Variants in MAPRE2 observed in about 807,000 individuals in gnomAD.
The protein encoded by MAPRE2 is microtubule-associated protein RP/EB family member 2.
Under a neutral mutation model 43.2 loss-of-function variants are expected in MAPRE2, and 13 were observed. The observed-to-expected ratio is 0.30, with a 90% CI of 0.20 to 0.48. The LOEUF (loss-of-function observed/expected upper bound fraction) is 0.48, where lower values mean the gene tolerates loss of function less well. Among genes scored for constraint, MAPRE2 ranks in the 20% least tolerant of loss-of-function variants. The pLI is 0.99. For missense variants in MAPRE2, 161 were observed against 400.2 expected, an observed-to-expected ratio of 0.40 and a Z score of 5.10; for synonymous variants, 135 against 148.8, an observed-to-expected ratio of 0.91 and a Z score of 0.68.
chr18:34,992,472 A>T (rs1225631656), intron 1 of MAPRE2, among the ~76,000 whole-genome samples: 1 of 152,206 alleles, frequency 6.6e-6, no homozygotes. Flanking sequence ...ATCTAAGCCA[A>T]CTCAATTCAC....
intron 1 of MAPRE2, among the ~76,000 whole-genome samples, chr18:34,984,131 A>G (rs1448537948): frequency 5.3e-5 from 8 of 152,218 alleles, no homozygotes; most frequent in Non-Finnish European, 1.0e-4. Flanking sequence ...AATTCATCTT[A>G]AATTATTTCC....
intron 1 of MAPRE2, among the ~76,000 whole-genome samples, chr18:35,045,301 G>A (rs904347989): frequency 1.3e-5 from 2 of 152,236 alleles, no homozygotes; most frequent in Non-Finnish European, 2.9e-5. Context: ...AGTTGGAAAT[G>A]AGATTTATTA....
In MAPRE2 at chr18:34,980,955, T is replaced by C. The variant is rs79899888; in HGVS notation, c.-70+3876T>C. 8.0e-3 allele frequency among the ~76,000 whole-genome samples: 1,225 copies of C among 152,242 alleles called. 17 individuals are homozygous for C. The highest frequency in any genetic ancestry group is 0.028 in the African/African-American group (1,149 of 41,536). Reference sequence around the variant, plus strand: ...GTAAGAAGTTGGATGTATTTTGTGATAAGTACAACCAAAACTAAATGTTAA... The same window carrying C: ...GTAAGAAGTTGGATGTATTTTGTGACAAGTACAACCAAAACTAAATGTTAA... On this transcript the variant is annotated intron_variant, in intron 1 of 7. Transcript: ENST00000413393.
intron 6 of MAPRE2, among the ~76,000 whole-genome samples, chr18:35,134,724 C>A (rs947594443): frequency 4.6e-5 from 7 of 152,200 alleles, no homozygotes; most frequent in Non-Finnish European, 1.0e-4. Flanking sequence ...CTAAATAACT[C>A]CCCTTACCTC....
intron 2 of MAPRE2, among the ~76,000 whole-genome samples, chr18:35,011,912 C>T (rs544160624): frequency 4.0e-5 from 6 of 151,638 alleles, no homozygotes; most frequent in South Asian, 2.1e-4. Context: ...GGAATACAGC[C>T]GGAGGAGGTG....
chr18:35,126,559 T>C (rs1256981282), intron 4 of MAPRE2, among the ~76,000 whole-genome samples: 1 of 152,232 alleles, frequency 6.6e-6, no homozygotes, highest in Non-Finnish European at 1.5e-5. Flanking sequence ...TATTAATTGG[T>C]TATAAGATCT....
upstream of MAPRE2, among the ~76,000 whole-genome samples, chr18:35,038,363 A>G (rs1486938756): frequency 6.6e-6 from 1 of 152,188 alleles, no homozygotes; most frequent in African/African-American, 2.4e-5. Flanking sequence ...CCTTAACCAT[A>G]CTAAGCTACT....
At chr18:35,054,877 G>T (rs8085186) in intron 1 of MAPRE2, among the ~76,000 whole-genome samples, 39 of 152,088 alleles carry the variant, frequency 2.6e-4, no homozygotes, top group Non-Finnish European at 5.6e-4. Flanking sequence ...GTCATAGTTC[G>T]CAATGAAGTG....
At chr18:35,018,559 T>C (rs2097039944) in intron 2 of MAPRE2, among the ~76,000 whole-genome samples, 1 of 151,842 alleles carries the variant, frequency 6.6e-6, no homozygotes, top group Non-Finnish European at 1.5e-5. Context: ...CTTGGGAGAC[T>C]GTGTATTTCC....
chr18:34,977,880 T>C (rs2097014091), intron 1 of MAPRE2, among the ~76,000 whole-genome samples: 1 of 152,096 alleles, frequency 6.6e-6, no homozygotes, highest in Non-Finnish European at 1.5e-5. Flanking sequence ...AGGAGAGGGG[T>C]GGACGCGGAA....
At chr18:35,007,535 C>T (rs768111366) in intron 2 of MAPRE2, among the ~76,000 whole-genome samples, 5 of 151,998 alleles carry the variant, frequency 3.3e-5, no homozygotes, top group Non-Finnish European at 7.4e-5. Flanking sequence ...ACAAAGATAA[C>T]ACATAAAGAG....
At chr18:35,060,417 A>G (rs1194417767) in intron 1 of MAPRE2, among the ~76,000 whole-genome samples, 3 of 152,230 alleles carry the variant, frequency 2.0e-5, no homozygotes, top group Non-Finnish European at 4.4e-5. Context: ...ACCCACTGCT[A>G]GAAACAGATG....
chr18:35,140,090 T>G (rs1392983106), intron 6 of MAPRE2, among the ~76,000 whole-genome samples: 4 of 152,228 alleles, frequency 2.6e-5, no homozygotes, highest in Non-Finnish European at 5.9e-5. Context: ...GATCTGTTCT[T>G]TGATCACATG....
intron 1 of MAPRE2, among the ~76,000 whole-genome samples, chr18:35,055,564 T>TGTGTGTGTGC (rs1906182731): frequency 8.0e-6 from 1 of 125,330 alleles, no homozygotes; most frequent in Non-Finnish European, 1.7e-5. Context: ...TGTGTGTGTG[T>TGTGTGTGTGC]ATGTGTGTGT....
intron 6 of MAPRE2, among the ~76,000 whole-genome samples, chr18:35,139,323 C>G (rs1315551657): frequency 6.6e-6 from 1 of 152,150 alleles, no homozygotes; most frequent in Non-Finnish European, 1.5e-5. Context: ...GCTGTGTGCC[C>G]TTACTGAGGG....
intron 4 of MAPRE2, among the ~76,000 whole-genome samples, chr18:35,105,130 G>T (rs892901613): frequency 6.6e-6 from 1 of 152,042 alleles, no homozygotes; most frequent in African/African-American, 2.4e-5. Context: ...AGATAAACGT[G>T]TGCCATTTTG....
chr18:35,030,518 C>G (rs1358017878), intron 2 of MAPRE2, among the ~76,000 whole-genome samples: 2 of 151,702 alleles, frequency 1.3e-5, no homozygotes, highest in African/African-American at 4.9e-5. Context: ...AGTTATTGAA[C>G]TAGTTACCTC....
chr18:35,102,230 T>A, intron 4 of MAPRE2, 71 bp downstream of exon 4: 1 of 1,130,832 alleles, frequency 8.8e-7, no homozygotes, highest in Non-Finnish European at 1.2e-6. Flanking sequence ...TGTTATTTAC[T>A]GTGTGTTTCT....
At position 35,070,244 on chromosome 18, in the gene MAPRE2, A is replaced by G; in HGVS notation, c.172A>G (p.Met58Val). The G allele has an allele frequency of 6.2e-7, 1 of 1,611,894 alleles. No individual in the cohort carries two copies. Among genetic ancestry groups the G allele is most frequent in the East Asian group, 2.2e-5 (1 of 44,800 alleles). Residue 58 changes from methionine to valine, a missense_variant, in exon 2 of 7, where the codon ATG (methionine) becomes GTG (valine). Coordinates refer to ENST00000300249, the MANE Select transcript of MAPRE2 (RefSeq NM_014268.4). Reference sequence around the variant, plus strand: ...TTCTACCTCGATAACCCAAGAGACTATGAGCAGACATGACATCATTGCATG... The same window carrying G: ...TTCTACCTCGATAACCCAAGAGACTGTGAGCAGACATGACATCATTGCATG... ...VYSTSITQET[M>V]SRHDIIAWVN...
Sources: allele counts gnomAD v4.1 joint callset (sites outside exome capture counted in the v4.1 genomes callset), GRCh38; gene constraint gnomAD v4.1.1; transcripts MANE v1.5; gene names NCBI Gene and HGNC (gene_info 2026-07-23, HGNC 2026-07-21).